The following TBC1D22A variants were observed in gnomAD, a reference collection of about 807,000 sequenced individuals.
TBC1D22A encodes the protein putative GTPase activator.
TBC1D22A carries 38 observed loss-of-function variants against 60.2 expected under a neutral mutation model. The ratio of observed to expected loss-of-function variants is 0.63; its 90% CI spans 0.49 to 0.83. TBC1D22A has a LOEUF of 0.83. TBC1D22A is among the 40% of genes least tolerant of loss of function. TBC1D22A has a pLI of 0.00. For missense variants in TBC1D22A, 628 were observed against 701.0 expected (o/e 0.90, Z 1.18); for synonymous variants, 302 against 281.7 (o/e 1.07, Z -0.72).
chr22:46,885,947 G>A (rs914119389), intron 5 of TBC1D22A, among the ~76,000 whole-genome samples: 2 of 144,422 alleles, frequency 1.4e-5, no homozygotes, highest in African/African-American at 5.3e-5. Context: ...TCACTCTGTC[G>A]CCCAGGCTGG....
At chr22:47,031,641 GA>G (rs112423313) in intron 10 of TBC1D22A, among the ~76,000 whole-genome samples, 4,542 of 152,284 alleles carry the variant, frequency 0.03, 111 homozygotes, top group South Asian at 0.087. Context: ...GTTTCAAGGG[GA>G]CAGAGTGGTG....
At chr22:46,814,036 A>G (rs1338979223) in intron 4 of TBC1D22A, among the ~76,000 whole-genome samples, 1 of 152,250 alleles carries the variant, frequency 6.6e-6, no homozygotes, top group African/African-American at 2.4e-5. Context: ...CAGCCCTTGC[A>G]TAGTCAGCGC....
intron 4 of TBC1D22A, among the ~76,000 whole-genome samples, chr22:46,858,436 G>A (rs533585054): frequency 1.4e-5 from 2 of 147,950 alleles, no homozygotes; most frequent in African/African-American, 5.1e-5. Context: ...CCCTGTGCCG[G>A]CAGGCTTTGT....
intron 8 of TBC1D22A, among the ~76,000 whole-genome samples, chr22:46,940,453 A>AATAT (rs58629182): frequency 7.5e-4 from 107 of 142,760 alleles, no homozygotes; most frequent in African/African-American, 2.6e-3. Context: ...GGGGCACTAG[A>AATAT]ATATATATAT....
intron 4 of TBC1D22A, among the ~76,000 whole-genome samples, chr22:46,819,621 C>T (rs926929852): frequency 1.3e-5 from 2 of 152,210 alleles, no homozygotes; most frequent in Non-Finnish European, 2.9e-5. Flanking sequence ...TTTTGATGTG[C>T]TGCTGGATTT....
intron 7 of TBC1D22A, among the ~76,000 whole-genome samples, chr22:46,899,835 C>T (rs146946511): frequency 5.5e-4 from 84 of 152,202 alleles, no homozygotes; most frequent in African/African-American, 2.0e-3. Flanking sequence ...TCCAAAGTGA[C>T]ATGGTTGTAT....
intron 10 of TBC1D22A, among the ~76,000 whole-genome samples, chr22:47,019,936 A>G (rs1450122526): frequency 2.2e-5 from 3 of 136,456 alleles, no homozygotes; most frequent in Admixed American, 7.2e-5. Context: ...TTAACCCTCC[A>G]TCATGCCCTC....
chr22:46,847,504 G>C (rs1007321180), intron 4 of TBC1D22A, among the ~76,000 whole-genome samples: 5 of 152,216 alleles, frequency 3.3e-5, no homozygotes, highest in Non-Finnish European at 7.3e-5. Context: ...TCATTGTTAC[G>C]CATTCTGCTG....
chr22:46,873,509 TTTAC>T (rs1292485058), intron 4 of TBC1D22A, among the ~76,000 whole-genome samples: 4 of 152,164 alleles, frequency 2.6e-5, no homozygotes, highest in Non-Finnish European at 4.4e-5. Flanking sequence ...AATTAATTAA[TTTAC>T]TTATTTATTT....
chr22:47,060,447 C>T lies in TBC1D22A; in HGVS notation c.1329+23249C>T, dbSNP rs539363923. On this transcript the variant is annotated intron_variant, in intron 11 of 12. Transcript: ENST00000337137. Reference sequence around the variant, plus strand: ...GTTGTTGTTGTTGTTTTGGTTTTTTCTGAGATGGAGTCTCGCTCTGTAGCC... The same window carrying T: ...GTTGTTGTTGTTGTTTTGGTTTTTTTTGAGATGGAGTCTCGCTCTGTAGCC... Among the ~76,000 whole-genome samples the T allele has an allele frequency of 7.3e-5, 11 of 150,044 alleles. No homozygotes were observed. In the East Asian group the frequency reaches 2.2e-3, roughly 30 times the overall value.
intron 9 of TBC1D22A, among the ~76,000 whole-genome samples, chr22:46,978,731 C>T (rs574151801): frequency 2.6e-5 from 4 of 152,194 alleles, no homozygotes; most frequent in African/African-American, 7.2e-5. Context: ...GCCTCAGCCT[C>T]CCGAGTAGCT....
intron 6 of TBC1D22A, among the ~76,000 whole-genome samples, chr22:46,892,098 T>C (rs572392845): frequency 3.5e-4 from 54 of 152,300 alleles, no homozygotes; most frequent in African/African-American, 1.2e-3. Flanking sequence ...TCACTGTCTT[T>C]GTAATATGTG....
At chr22:46,868,006 C>G (rs1209268473) in intron 4 of TBC1D22A, among the ~76,000 whole-genome samples, 1 of 152,180 alleles carries the variant, frequency 6.6e-6, no homozygotes, top group Non-Finnish European at 1.5e-5. Flanking sequence ...AATGGAAACC[C>G]AGCACTGTAG....
intron 10 of TBC1D22A, among the ~76,000 whole-genome samples, chr22:47,016,568 G>A (rs189997133): frequency 1.3e-5 from 2 of 152,304 alleles, no homozygotes; most frequent in East Asian, 3.9e-4. Context: ...GTAGGACACC[G>A]AGCTCTTTGC....
intron 8 of TBC1D22A, among the ~76,000 whole-genome samples, chr22:46,956,567 C>T (rs1053253781): frequency 6.6e-6 from 1 of 152,200 alleles, no homozygotes; most frequent in Non-Finnish European, 1.5e-5. Context: ...ACTTCCTTTT[C>T]AGGGGTCAAC....
intron 4 of TBC1D22A, among the ~76,000 whole-genome samples, chr22:46,844,280 T>C (rs542280014): frequency 6.6e-6 from 1 of 152,248 alleles, no homozygotes; most frequent in South Asian, 2.1e-4. Flanking sequence ...CGTTAACTGC[T>C]GTGTAGACCG....
rs140777753 is a variant in TBC1D22A at position 46,984,595 on chromosome 22, G to A, written c.1125+10196G>A. ...CTACTCTTAGGTTCACTACTGAACA[G>A]GACAATTTCTTTGAGTAGAAAAGAA... On this transcript the variant is annotated intron_variant, in intron 9 of 12. Transcript: ENST00000337137. Among the ~76,000 whole-genome samples, 20 of 152,200 alleles carry A rather than the reference G, an allele frequency of 1.3e-4. No homozygotes were observed. In the East Asian group the frequency reaches 3.9e-3, roughly 29 times the overall value.
At chr22:46,941,778 G>A (rs534511174) in intron 8 of TBC1D22A, among the ~76,000 whole-genome samples, 9 of 126,206 alleles carry the variant, frequency 7.1e-5, no homozygotes, top group South Asian at 2.4e-4. Flanking sequence ...ATATGTATAC[G>A]GAATATATAT....
intron 12 of TBC1D22A, among the ~76,000 whole-genome samples, chr22:47,149,450 C>T (rs917226711): frequency 6.6e-6 from 1 of 152,226 alleles, no homozygotes; most frequent in Non-Finnish European, 1.5e-5. Context: ...AAAAAGCTCT[C>T]CCGTGTATAC....
Sources: gnomAD v4.1 joint callset for allele counts (sites outside exome capture counted in the v4.1 genomes callset) on GRCh38, gnomAD v4.1.1 for gene constraint, MANE v1.5 for transcripts, NCBI Gene and HGNC (gene_info 2026-07-23, HGNC 2026-07-21) for gene names.